The following KCNJ3 variants were observed in gnomAD, a reference collection of about 807,000 sequenced individuals.
The protein encoded by KCNJ3 is G protein-activated inward rectifier potassium channel 1.
In KCNJ3, 4 loss-of-function variants were observed where a neutral mutation model predicts 39.2. That is an observed-to-expected ratio of 0.10 (90% CI 0.05 to 0.23). The LOEUF is 0.23. Among genes scored for constraint, KCNJ3 ranks in the 10% least tolerant of loss-of-function variants. KCNJ3 has a pLI of 1.00. For missense variants in KCNJ3, 276 were observed against 634.9 expected, an observed-to-expected ratio of 0.43 and a Z score of 6.08; for synonymous variants, 230 against 237.4, an observed-to-expected ratio of 0.97 and a Z score of 0.29.
chr2:154,760,822 C>T (rs1417924205), intron 2 of KCNJ3, among the ~76,000 whole-genome samples: 2 of 147,986 alleles, frequency 1.4e-5, no homozygotes, highest in African/African-American at 2.5e-5. Flanking sequence ...CTGCAAGTTC[C>T]GCCTCCCGGG....
At chr2:154,788,756 T>C (rs1158525930) in intron 2 of KCNJ3, among the ~76,000 whole-genome samples, 1 of 151,486 alleles carries the variant, frequency 6.6e-6, no homozygotes, top group Non-Finnish European at 1.5e-5. Context: ...AAAATATCAG[T>C]ATGTGAGTGT....
chr2:154,841,262 C>T (rs982199043), intron 2 of KCNJ3, among the ~76,000 whole-genome samples: 3 of 152,110 alleles, frequency 2.0e-5, no homozygotes, highest in South Asian at 2.1e-4. Flanking sequence ...GTTGAACCAG[C>T]CTTGCATCCC....
intron 2 of KCNJ3, among the ~76,000 whole-genome samples, chr2:154,772,853 C>T (rs1434607480): frequency 6.6e-6 from 1 of 151,680 alleles, no homozygotes; most frequent in Non-Finnish European, 1.5e-5. Flanking sequence ...TCACATAAAG[C>T]TTCAATCATA....
At chr2:154,807,202 A>AG (rs1167350860) in intron 2 of KCNJ3, among the ~76,000 whole-genome samples, 2 of 152,284 alleles carry the variant, frequency 1.3e-5, no homozygotes, top group Admixed American at 1.3e-4. Flanking sequence ...CATTGATCTG[A>AG]GGACTACAGG....
intron 2 of KCNJ3, among the ~76,000 whole-genome samples, chr2:154,834,294 G>A (rs573240664): frequency 2.4e-4 from 36 of 152,170 alleles, no homozygotes; most frequent in Non-Finnish European, 4.6e-4. Context: ...GACATATGAT[G>A]TTGAACATCT....
At chr2:154,756,110 T>C (rs1308410333) in intron 2 of KCNJ3, among the ~76,000 whole-genome samples, 1 of 152,174 alleles carries the variant, frequency 6.6e-6, no homozygotes, top group African/African-American at 2.4e-5. Flanking sequence ...AGCAGCATAC[T>C]TATTACATAC....
chr2:154,852,623 TTTTC>T (rs1687776083), intron 2 of KCNJ3, among the ~76,000 whole-genome samples: 1 of 152,248 alleles, frequency 6.6e-6, no homozygotes, highest in East Asian at 1.9e-4. Flanking sequence ...TTCTAGATAC[TTTTC>T]TTTATCTTTA....
intron 2 of KCNJ3, among the ~76,000 whole-genome samples, chr2:154,830,385 T>C (rs1415648345): frequency 6.6e-6 from 1 of 152,210 alleles, no homozygotes; most frequent in African/African-American, 2.4e-5. Flanking sequence ...CAGATTCTTG[T>C]TGATTATAGG....
intron 2 of KCNJ3, among the ~76,000 whole-genome samples, chr2:154,730,636 T>C (rs1253424664): frequency 6.6e-6 from 1 of 152,082 alleles, no homozygotes; most frequent in East Asian, 1.9e-4. Context: ...AAAACCTGCA[T>C]CAACTTTTTT....
At chr2:154,850,015 T>TTTGTTTG (rs1687730701) in intron 2 of KCNJ3, among the ~76,000 whole-genome samples, 1 of 29,490 alleles carries the variant, frequency 3.4e-5, no homozygotes, top group Non-Finnish European at 9.0e-5. Context: ...AATCTTTTTT[T>TTTGTTTG]TTTTTTTTTT....
At position 154,714,423 on chromosome 2, in the gene KCNJ3, C is replaced by T. The variant is rs115068529; in HGVS notation, c.919+4604C>T. On this transcript the variant is annotated intron_variant, in intron 2 of 2. Coordinates refer to ENST00000295101, the MANE Select transcript of KCNJ3 (RefSeq NM_002239.4). ...CTGCTTCTTCCTACTCCTCCTCGCT[C>T]CTGTAAATATTTTTTAGTTTTTCCT... Among the ~76,000 whole-genome samples the T allele has an allele frequency of 9.1e-3, 1,380 of 152,198 alleles. 19 individuals carry two copies. The highest frequency in any genetic ancestry group is 0.03 in the African/African-American group (1,249 of 41,520).
At chr2:154,701,553 A>G (rs1047364428) in intron 1 of KCNJ3, among the ~76,000 whole-genome samples, 7 of 152,050 alleles carry the variant, frequency 4.6e-5, no homozygotes, top group Non-Finnish European at 8.8e-5. Context: ...TACTGATAAT[A>G]ATTTTTCTGC....
In KCNJ3 at chr2:154,724,917, G is replaced by GTATATATATGTA. The variant is rs1553454966; in HGVS notation, c.919+15107_919+15108insGTATATATATAT. Among the ~76,000 whole-genome samples, 51 of 116,302 alleles carry GTATATATATGTA rather than the reference G, an allele frequency of 4.4e-4. 1 individual carries two copies. Among genetic ancestry groups the GTATATATATGTA allele is most frequent in the African/African-American group, 1.7e-3 (47 of 28,214 alleles). The allele number at this position is 116,302 out of a possible 152,430, so 76.3% of individuals were successfully genotyped here. A position where few individuals can be genotyped will look rare whatever the true frequency, so the allele number is the denominator to read the frequency against. ...TGTATATATACAAGATACATATGAG[G>GTATATATATGTA]TATATATATATATATATATACCTTT... is the stretch of plus-strand genomic sequence containing the variant. On this transcript the variant is annotated intron_variant, in intron 2 of 2. Coordinates refer to ENST00000295101, the MANE Select transcript of KCNJ3 (RefSeq NM_002239.4).
At chr2:154,785,334 T>C (rs1407464568) in intron 2 of KCNJ3, among the ~76,000 whole-genome samples, 1 of 152,202 alleles carries the variant, frequency 6.6e-6, no homozygotes, top group African/African-American at 2.4e-5. Context: ...ACCCTCCTCC[T>C]GCCTTACAGA....
intron 2 of KCNJ3, among the ~76,000 whole-genome samples, chr2:154,834,493 C>T (rs2105122669): frequency 6.6e-6 from 1 of 152,166 alleles, no homozygotes; most frequent in South Asian, 2.1e-4. Flanking sequence ...GCACTTTGGG[C>T]TGCCGAGGCG....
chr2:154,830,701 G>T (rs1011747296), intron 2 of KCNJ3, among the ~76,000 whole-genome samples: 5 of 152,078 alleles, frequency 3.3e-5, no homozygotes, highest in Non-Finnish European at 5.9e-5. Flanking sequence ...TGGAGAGACA[G>T]CTTAGTTGGA....
chr2:154,724,936 T>TATATATATAC (rs1450435626), intron 2 of KCNJ3, among the ~76,000 whole-genome samples: 6 of 147,102 alleles, frequency 4.1e-5, no homozygotes, highest in Admixed American at 2.7e-4. Flanking sequence ...TATATATATA[T>TATATATATAC]ACCTTTGATG....
intron 2 of KCNJ3, among the ~76,000 whole-genome samples, chr2:154,803,295 T>C (rs2105217997): frequency 6.6e-6 from 1 of 152,134 alleles, no homozygotes; most frequent in Middle Eastern, 3.4e-3. Context: ...CTAAGAAATG[T>C]AAATTTGTTA....
intron 2 of KCNJ3, among the ~76,000 whole-genome samples, chr2:154,782,575 T>C (rs1402422768): frequency 6.6e-6 from 1 of 152,068 alleles, no homozygotes; most frequent in East Asian, 1.9e-4. Flanking sequence ...ATGCATTTTA[T>C]AGGTCAGAAA....
Sources: allele counts gnomAD v4.1 joint callset (sites outside exome capture counted in the v4.1 genomes callset), GRCh38; gene constraint gnomAD v4.1.1; transcripts MANE v1.5; gene names NCBI Gene and HGNC (gene_info 2026-07-23, HGNC 2026-07-21).